The following TMEM196 variants were observed in gnomAD, a reference collection of about 807,000 sequenced individuals.
The protein encoded by TMEM196 is transmembrane protein 196.
TMEM196 carries 17 observed loss-of-function variants against 20.0 expected under a neutral mutation model. The ratio of observed to expected loss-of-function variants is 0.85; its 90% CI spans 0.58 to 1.27. The LOEUF is 1.27. Ranked by LOEUF, TMEM196 falls within the 50% of genes most tolerant of loss-of-function variation. The probability of loss-of-function intolerance (pLI) is 0.00; values close to 1 mark genes in which losing one functional copy is unlikely to be tolerated. For synonymous variants in TMEM196, 113 were observed against 88.9 expected, an observed-to-expected ratio of 1.27 and a Z score of -1.52; for missense variants, 267 against 223.0, an observed-to-expected ratio of 1.20 and a Z score of -1.26.
intron 1 of TMEM196, among the ~76,000 whole-genome samples, chr7:19,746,929 C>T (rs927434309): frequency 1.1e-4 from 16 of 152,196 alleles, no homozygotes; most frequent in African/African-American, 3.9e-4. Context: ...CTGTCTTTTA[C>T]ACTGTAGTTC....
intron 1 of TMEM196, among the ~76,000 whole-genome samples, chr7:19,729,758 A>T (rs1308560955): frequency 2.0e-5 from 3 of 152,120 alleles, no homozygotes; most frequent in African/African-American, 7.2e-5. Context: ...TTTCTCAGGG[A>T]GAAAAGTGGT....
intron 1 of TMEM196, among the ~76,000 whole-genome samples, chr7:19,752,008 A>G (rs1785007262): frequency 6.6e-6 from 1 of 152,182 alleles, no homozygotes. Context: ...ATTAATTTCT[A>G]TTTACTCCAA....
At chr7:19,753,185 G>A (rs74995459) in intron 1 of TMEM196, among the ~76,000 whole-genome samples, 5,134 of 152,126 alleles carry the variant, frequency 0.034, 126 homozygotes, top group Non-Finnish European at 0.051. Context: ...CTAATTCTCA[G>A]AGTACCTTTT....
chr7:19,731,286 A>C (rs1322833845), intron 1 of TMEM196, among the ~76,000 whole-genome samples: 1 of 152,232 alleles, frequency 6.6e-6, no homozygotes, highest in African/African-American at 2.4e-5. Flanking sequence ...GAACTTTATA[A>C]AACCTGAATA....
chr7:19,727,304 G>C (rs1039630527), intron 2 of TMEM196, among the ~76,000 whole-genome samples: 5 of 152,138 alleles, frequency 3.3e-5, no homozygotes, highest in African/African-American at 1.2e-4. Flanking sequence ...TAGGAGTAGG[G>C]AGGAGAAGAA....
chr7:19,725,782 G>T lies in TMEM196; in HGVS notation c.205-14C>A, dbSNP rs1472446535. The stretch of plus-strand genomic sequence containing the variant: ...AAAGAGGATCATCTGATAAGAAAAA[G>T]AAAGGCAGCGTTAAAGTTGAAAAGG... On this transcript the variant is annotated splice_polypyrimidine_tract_variant and intron_variant, in intron 2 of 4. Transcript: ENST00000405844. 2 of 1,575,072 alleles carry T rather than the reference G, an allele frequency of 1.3e-6. No homozygotes were observed. The highest frequency in any genetic ancestry group is 3.5e-5 in the Admixed American group (2 of 56,854).
chr7:19,763,705 G>T (rs1210085670), intron 1 of TMEM196, among the ~76,000 whole-genome samples: 2 of 152,100 alleles, frequency 1.3e-5, no homozygotes, highest in African/African-American at 4.8e-5. Flanking sequence ...ACGACGAATA[G>T]AAACCACACA....
At position 19,737,895 on chromosome 7, in the gene TMEM196, C is replaced by T. The variant is rs532739539; in HGVS notation, c.148-8457G>A. Among the ~76,000 whole-genome samples the T allele has an allele frequency of 1.4e-4, 22 of 151,850 alleles. No individual in the cohort carries two copies. The South Asian group carries it at 2.5e-3, about 17-fold the overall frequency. ...AACTTTATAACACAAAAAATCTTAA[C>T]GTCTAAACAATTTTTTAAAATTAAT... On this transcript the variant is annotated intron_variant, in intron 1 of 4. Coordinates refer to ENST00000405844, the MANE Select transcript of TMEM196 (RefSeq NM_001363562.2).
intron 1 of TMEM196, among the ~76,000 whole-genome samples, chr7:19,753,846 C>T (rs1303506468): frequency 6.6e-6 from 1 of 152,184 alleles, no homozygotes; most frequent in Non-Finnish European, 1.5e-5. Context: ...TTCTCAAGCT[C>T]TCATAGGCCT....
chr7:19,746,934 T>C (rs1306962795), intron 1 of TMEM196, among the ~76,000 whole-genome samples: 1 of 152,200 alleles, frequency 6.6e-6, no homozygotes, highest in Admixed American at 6.5e-5. Flanking sequence ...TTTTACACTG[T>C]AGTTCTTTCT....
At chr7:19,754,681 A>G (rs1044333910) in intron 1 of TMEM196, among the ~76,000 whole-genome samples, 6 of 151,948 alleles carry the variant, frequency 3.9e-5, no homozygotes, top group African/African-American at 1.2e-4. Flanking sequence ...AGAAAAAAAA[A>G]AGTTCTGCAA....
chr7:19,754,326 G>A (rs1486406079), intron 1 of TMEM196, among the ~76,000 whole-genome samples: 1 of 152,174 alleles, frequency 6.6e-6, no homozygotes, highest in Non-Finnish European at 1.5e-5. Context: ...CTTGGATCCA[G>A]AGTCCAGTCT....
chr7:19,747,027 G>A (rs1314535265), intron 1 of TMEM196, among the ~76,000 whole-genome samples: 2 of 151,994 alleles, frequency 1.3e-5, no homozygotes, highest in Non-Finnish European at 2.9e-5. Flanking sequence ...AGGCCGAGGC[G>A]GGCGGATCAC....
At chr7:19,752,609 C>T (rs562095213) in intron 1 of TMEM196, among the ~76,000 whole-genome samples, 6 of 150,878 alleles carry the variant, frequency 4.0e-5, no homozygotes, top group Non-Finnish European at 7.4e-5. Flanking sequence ...TTATGTATTT[C>T]TTTCTTTCTT....
At chr7:19,771,654 G>C (rs1785887300) in intron 1 of TMEM196, among the ~76,000 whole-genome samples, 1 of 152,098 alleles carries the variant, frequency 6.6e-6, no homozygotes, top group Non-Finnish European at 1.5e-5. Context: ...ATAGCTTGAA[G>C]GAAAAAACTG....
rs1783763586 is a variant in TMEM196, at chr7:19,720,023, A to T, written c.*2105T>A. Reference sequence around the variant, plus strand: ...CTACTGAAAATTAGAGTCAGTGTTTATTCTTTCAGTACAAAACTACATCCT... The same window carrying T: ...CTACTGAAAATTAGAGTCAGTGTTTTTTCTTTCAGTACAAAACTACATCCT... On this transcript the variant is annotated 3_prime_UTR_variant, in exon 5 of 5. Transcript: ENST00000405844. 1 of 152,100 alleles carries T rather than the reference A, an allele frequency of 6.6e-6. No individual in the cohort carries two copies. Among genetic ancestry groups the T allele is most frequent in the African/African-American group, 2.4e-5 (1 of 41,444 alleles). The allele number at this position is 152,100 out of a possible 1,614,324, so 9.4% of individuals were successfully genotyped here.
intron 1 of TMEM196, among the ~76,000 whole-genome samples, chr7:19,734,099 C>T (rs754865598): frequency 6.6e-6 from 1 of 152,096 alleles, no homozygotes. Flanking sequence ...AGCACATAAG[C>T]ACAAGGCAAC....
Position 19,719,879 on chromosome 7 carries a change from A to G in TMEM196, c.*2249T>C, listed in dbSNP as rs777148477. 2.0e-5 allele frequency: 3 copies of G among 152,074 alleles called. No individual in the cohort carries two copies. Among genetic ancestry groups the G allele is most frequent in the Admixed American group, 1.3e-4 (2 of 15,250 alleles). 9.4% of individuals were successfully genotyped at this position (152,074 alleles called of 1,614,324 possible). ...TCTCTTTTTAACTATACATCAAAGC[A>G]GTGATATGTCTCCTTTTGTCCTTTA... On this transcript the variant is annotated 3_prime_UTR_variant, in exon 5 of 5. Transcript: ENST00000405844.
chr7:19,756,815 T>A (rs1583452569), intron 1 of TMEM196, among the ~76,000 whole-genome samples: 1 of 152,142 alleles, frequency 6.6e-6, no homozygotes, highest in Admixed American at 6.5e-5. Context: ...CCCAGGTATA[T>A]ATGAACCGCA....
Sources: allele counts gnomAD v4.1 joint callset (sites outside exome capture counted in the v4.1 genomes callset), GRCh38; gene constraint gnomAD v4.1.1; transcripts MANE v1.5; gene names NCBI Gene and HGNC (gene_info 2026-07-23, HGNC 2026-07-21).